Variants in RNF17 observed in about 807,000 individuals in gnomAD.
The protein encoded by RNF17 is ring finger protein 17.
A neutral mutation model predicts 200.5 loss-of-function variants in RNF17; 31 were observed. The ratio of observed to expected loss-of-function variants is 0.15; its 90% CI spans 0.12 to 0.21. The LOEUF is 0.21. Ranked by LOEUF, RNF17 falls within the 10% of genes least tolerant of loss-of-function variation. RNF17 has a pLI of 1.00. For missense variants in RNF17, 1,628 were observed against 1,905.1 expected, an observed-to-expected ratio of 0.85 and a Z score of 2.71; for synonymous variants, 606 against 637.8, an observed-to-expected ratio of 0.95 and a Z score of 0.75.
intron 16 of RNF17, 60 bp downstream of exon 16, chr13:24,825,832 G>C (rs1888567464): frequency 6.5e-7 from 1 of 1,528,346 alleles, no homozygotes; most frequent in Admixed American, 1.9e-5. Context: ...AATATCATTT[G>C]AGTTGGTACC....
chr13:24,868,584 T>A lies in RNF17; in HGVS notation c.4162-16T>A, dbSNP rs755453091. On this transcript the variant is annotated splice_polypyrimidine_tract_variant and intron_variant, in intron 30 of 35. Transcript: ENST00000255324. The stretch of plus-strand genomic sequence containing the variant: ...TGTCCTTATTCTGAAATTTGAATTT[T>A]TCTGTGGTGTTTTAGGAATTGCTTT... 7 of 1,366,294 alleles carry A rather than the reference T, an allele frequency of 5.1e-6. No individual in the cohort carries two copies. In the East Asian group the frequency reaches 1.6e-4, roughly 31 times the overall value. 84.6% of individuals were successfully genotyped at this position (1,366,294 alleles called of 1,614,324 possible).
intron 28 of RNF17, among the ~76,000 whole-genome samples, chr13:24,864,179 C>G (rs1893391337): frequency 6.6e-6 from 1 of 152,136 alleles, no homozygotes; most frequent in Admixed American, 6.5e-5. Context: ...GGACAGACCA[C>G]ACGGGTGCAG....
chr13:24,782,233 T>G (rs1882478500), intron 6 of RNF17, among the ~76,000 whole-genome samples: 1 of 152,112 alleles, frequency 6.6e-6, no homozygotes, highest in African/African-American at 2.4e-5. Flanking sequence ...TGGGGTGCAA[T>G]GGTGTGATAA....
chr13:24,807,996 T>C (rs1287107133), intron 15 of RNF17, among the ~76,000 whole-genome samples: 2 of 151,840 alleles, frequency 1.3e-5, no homozygotes, highest in Non-Finnish European at 2.9e-5. Context: ...TTCTGTTCCA[T>C]TGATCTATAT....
downstream of RNF17, among the ~76,000 whole-genome samples, chr13:24,882,071 G>GATATATAGATACATCTAT (rs1953867298): frequency 7.2e-4 from 6 of 8,278 alleles, 1 homozygote; most frequent in African/African-American, 1.2e-3. Context: ...CATCTATATA[G>GATATATAGATACATCTAT]ATATATAGAT....
intron 28 of RNF17, 83 bp downstream of exon 28, chr13:24,862,876 A>G: frequency 1.2e-6 from 1 of 833,308 alleles, no homozygotes; most frequent in South Asian, 1.5e-5. Context: ...ATTTTTGATG[A>G]TAAGCAATGG....
chr13:24,754,180 A>AT, the RNF17 span, among the ~76,000 whole-genome samples: 8 of 151,936 alleles, frequency 5.3e-5, no homozygotes, highest in African/African-American at 1.4e-4. Flanking sequence ...AAAAAAAATA[A>AT]AATAAAATAA....
In RNF17 at chr13:24,765,273, C is replaced by T. The variant is rs539962717; in HGVS notation, c.130+940C>T. ...CTCGTGATCCGCCCGTCTTGGCCTC[C>T]CAAAGTGCTGGGATTACAGGCGTGA... On this transcript the variant is annotated intron_variant, in intron 1 of 35. Transcript: ENST00000255324. Among the ~76,000 whole-genome samples, 3 of 152,166 alleles carry T rather than the reference C, an allele frequency of 2.0e-5. No homozygotes were observed. In the South Asian group the frequency reaches 6.2e-4, roughly 32 times the overall value.
chr13:24,884,421 G>A, downstream of RNF17: 1 of 1,614,026 alleles, frequency 6.2e-7, no homozygotes, highest in African/African-American at 1.3e-5. Context: ...GTTCCATTGG[G>A]AAACAGTATA....
chr13:24,855,921 T>C (rs183146745), intron 25 of RNF17, among the ~76,000 whole-genome samples: 19 of 152,276 alleles, frequency 1.2e-4, no homozygotes, highest in African/African-American at 4.3e-4. Flanking sequence ...ATGTCTTCGC[T>C]CACTTTCCAT....
At chr13:24,829,255 G>A (rs1043294047) in intron 16 of RNF17, among the ~76,000 whole-genome samples, 1 of 151,746 alleles carries the variant, frequency 6.6e-6, no homozygotes, top group Non-Finnish European at 1.5e-5. Context: ...TCCCTTTTTC[G>A]CATGGAGCCA....
chr13:24,774,828 A>G lies in RNF17; in HGVS notation c.241A>G (p.Asn81Asp), dbSNP rs1286249064. 1 of 1,610,098 alleles carries G rather than the reference A, an allele frequency of 6.2e-7. No homozygotes were observed. Among genetic ancestry groups the G allele is most frequent in the Non-Finnish European group, 8.5e-7 (1 of 1,177,546 alleles). The change falls in exon 3 of 36, where the codon AAT (asparagine) becomes GAT (aspartate). Residue 81 changes from asparagine (N) to aspartate (D), a missense_variant. By Grantham distance (23) the Asn-to-Asp change is conservative. Coordinates refer to ENST00000255324, the MANE Select transcript of RNF17 (RefSeq NM_031277.3). The part of the protein sequence containing the change: ...CPDCEVATAV[N>D]TRQRYYPMAG... ...TTGTCCTAAGGTTGCTACAGCTGTA[A>G]ATACTAGACAACGCTACTACCCAAT...
At chr13:24,757,597 TAC>T in the RNF17 span, among the ~76,000 whole-genome samples, 3 of 152,302 alleles carry the variant, frequency 2.0e-5, no homozygotes, top group East Asian at 5.8e-4. Flanking sequence ...GTGCTGAGAT[TAC>T]AGGCATGAGC....
At chr13:24,770,846 AT>A (rs1238616500) in intron 2 of RNF17, among the ~76,000 whole-genome samples, 3 of 152,226 alleles carry the variant, frequency 2.0e-5, no homozygotes, top group South Asian at 4.1e-4. Context: ...TAGTTTTAAA[AT>A]TTTTTTCACT....
downstream of RNF17, chr13:24,884,598 T>C (rs1418371379): frequency 1.8e-5 from 15 of 844,180 alleles, no homozygotes; most frequent in Admixed American, 9.7e-5. Context: ...CTTTATTTCG[T>C]GAGGAGTAGC....
chr13:24,764,888 G>GGGGGGGGT lies in RNF17; in HGVS notation c.130+556_130+557insGGGGGGTG, dbSNP rs899352115. Among the ~76,000 whole-genome samples, 9 of 134,172 alleles carry GGGGGGGGT rather than the reference G, an allele frequency of 6.7e-5. No homozygotes were observed. The East Asian group carries it at 1.8e-3, about 27-fold the overall frequency. The allele number at this position is 134,172 out of a possible 152,430, so 88.0% of individuals were successfully genotyped here. On this transcript the variant is annotated intron_variant, in intron 1 of 35. Transcript: ENST00000255324. ...ATAGTTTCTTTTGTGCACCTTGTGG[G>GGGGGGGGT]GTGTGTGTGTGTGTGTGTGTGTGTG...
chr13:24,793,890 C>T (rs992545038), intron 10 of RNF17, among the ~76,000 whole-genome samples: 1 of 152,136 alleles, frequency 6.6e-6, no homozygotes, highest in East Asian at 1.9e-4. Flanking sequence ...GACCATTTTT[C>T]AAGATCAGCT....
At chr13:24,872,994 A>G (rs570939089) in intron 32 of RNF17, among the ~76,000 whole-genome samples, 8 of 152,326 alleles carry the variant, frequency 5.3e-5, no homozygotes, top group South Asian at 2.1e-4. Flanking sequence ...AAGCCTGTAC[A>G]TTGTAATAAG....
intron 15 of RNF17, among the ~76,000 whole-genome samples, chr13:24,818,377 G>A (rs1281928688): frequency 6.6e-6 from 1 of 152,070 alleles, no homozygotes; most frequent in Non-Finnish European, 1.5e-5. Context: ...AGAGTGTTTT[G>A]TGTATGTCTG....
Sources: gnomAD v4.1 joint callset for allele counts (sites outside exome capture counted in the v4.1 genomes callset) on GRCh38, gnomAD v4.1.1 for gene constraint, MANE v1.5 for transcripts, NCBI Gene and HGNC (gene_info 2026-07-23, HGNC 2026-07-21) for gene names.